CCDC171: variants seen among roughly 807,000 people sequenced by gnomAD.
CCDC171 encodes coiled-coil domain-containing protein 171.
In CCDC171, 177 loss-of-function variants were observed where a neutral mutation model predicts 168.2. The observed-to-expected ratio is 1.05, with a 90% confidence interval of 0.93 to 1.19. The LOEUF is 1.19. Ranked by LOEUF, CCDC171 falls within the 50% of genes most tolerant of loss-of-function variation. CCDC171 has a pLI of 0.00. For missense variants in CCDC171, 1,991 were observed against 1,539.0 expected (o/e 1.29, Z -4.91); for synonymous variants, 687 against 540.8 (o/e 1.27, Z -3.75).
intron 6 of CCDC171, among the ~76,000 whole-genome samples, chr9:15,602,000 G>C (rs1045406226): frequency 2.6e-5 from 4 of 152,084 alleles, no homozygotes; most frequent in Non-Finnish European, 5.9e-5. Flanking sequence ...TTTAAAATTA[G>C]GCATCTGTCT....
At chr9:15,863,598 C>G (rs2061651630) in intron 23 of CCDC171, among the ~76,000 whole-genome samples, 1 of 151,526 alleles carries the variant, frequency 6.6e-6, no homozygotes, top group Admixed American at 6.6e-5. Context: ...TTTACATTTT[C>G]TATTTTGGAA....
intron 7 of CCDC171, among the ~76,000 whole-genome samples, chr9:15,649,771 A>G (rs968311809): frequency 1.3e-5 from 2 of 152,220 alleles, no homozygotes; most frequent in African/African-American, 4.8e-5. Flanking sequence ...GAGGATGTGG[A>G]GAAATAGGAG....
At chr9:15,617,850 A>G (rs1464177750) in intron 6 of CCDC171, among the ~76,000 whole-genome samples, 1 of 152,100 alleles carries the variant, frequency 6.6e-6, no homozygotes, top group Non-Finnish European at 1.5e-5. Flanking sequence ...GAGAACAGCA[A>G]AGATTGCTGC....
intron 24 of CCDC171, among the ~76,000 whole-genome samples, chr9:15,877,637 A>G (rs1221762560): frequency 6.6e-6 from 1 of 152,112 alleles, no homozygotes; most frequent in African/African-American, 2.4e-5. Context: ...TTTATCTTCC[A>G]AATAACAGCA....
Position 15,565,086 on chromosome 9 carries a change from C to CTT in CCDC171, c.41+976_41+977dup, listed in dbSNP as rs34584445. On this transcript the variant is annotated intron_variant, in intron 2 of 25. Transcript: ENST00000380701. ...AGCTTTTGAAGCTACCCACCCCCCACTTTTTTTTTTTTTTTTTTTTGAGAC... is the reference window on the plus strand; with the variant it reads ...AGCTTTTGAAGCTACCCACCCCCCACTTTTTTTTTTTTTTTTTTTTTTGAGAC... Among the ~76,000 whole-genome samples, 174 of 119,856 alleles carry CTT rather than the reference C, an allele frequency of 1.5e-3. 1 individual carries two copies. The highest frequency in any genetic ancestry group is 4.3e-3 in the Middle Eastern group (1 of 234). The allele number at this position is 119,856 out of a possible 152,430, so 78.6% of individuals were successfully genotyped here.
chr9:16,006,993 T>G (rs1832718829), intron 3 of CCDC171, among the ~76,000 whole-genome samples: 1 of 152,224 alleles, frequency 6.6e-6, no homozygotes, highest in African/African-American at 2.4e-5. Flanking sequence ...TCTAGATCCC[T>G]GAGGAATCGC....
chr9:16,085,595 T>G, the CCDC171 span, among the ~76,000 whole-genome samples: 2 of 152,216 alleles, frequency 1.3e-5, no homozygotes, highest in Non-Finnish European at 2.9e-5. Flanking sequence ...AGTGGCTGAC[T>G]CTAACTCACA....
intron 24 of CCDC171, chr9:15,888,939 T>TTTTTC (rs1348942325): frequency 7.0e-6 from 1 of 142,922 alleles, no homozygotes; most frequent in African/African-American, 2.6e-5. Flanking sequence ...ATATGCCTCA[T>TTTTTC]TTTTCTTTTC....
At chr9:15,913,126 T>G (rs1012623958) in intron 24 of CCDC171, among the ~76,000 whole-genome samples, 1 of 152,260 alleles carries the variant, frequency 6.6e-6, no homozygotes. Context: ...CAGCTCCTTT[T>G]TGTACTTCTG....
At chr9:15,678,939 G>C (rs777019126) in intron 10 of CCDC171, 43 bp downstream of exon 10, 1 of 1,429,490 alleles carries the variant, frequency 7.0e-7, no homozygotes, top group South Asian at 1.3e-5. Flanking sequence ...ACTTTATTAG[G>C]TCATATTGGA....
At chr9:16,065,344 C>T (rs765404838), downstream of CCDC171, among the ~76,000 whole-genome samples, 10 of 151,990 alleles carry the variant, frequency 6.6e-5, no homozygotes, top group African/African-American at 2.2e-4. Context: ...ACTTCTGGGA[C>T]GTTCTGGGAA....
chr9:15,778,643 CAAAAAAAAAA>C (rs527592822), intron 19 of CCDC171, among the ~76,000 whole-genome samples: 4 of 58,794 alleles, frequency 6.8e-5, no homozygotes, highest in Non-Finnish European at 1.2e-4. Flanking sequence ...AAGACTGTCT[CAAAAAAAAAA>C]AAAAAAAAAA....
intron 24 of CCDC171, among the ~76,000 whole-genome samples, chr9:15,896,039 T>A (rs773351890): frequency 6.6e-6 from 1 of 152,068 alleles, no homozygotes; most frequent in Non-Finnish European, 1.5e-5. Context: ...GATGACCTCT[T>A]TTCCATATTT....
At chr9:15,964,652 C>G (rs1044280953) in intron 25 of CCDC171, among the ~76,000 whole-genome samples, 1 of 152,172 alleles carries the variant, frequency 6.6e-6, no homozygotes, top group Non-Finnish European at 1.5e-5. Flanking sequence ...TCAACCACAT[C>G]AGGAAATCTA....
intron 6 of CCDC171, among the ~76,000 whole-genome samples, chr9:16,032,953 C>T (rs1833390105): frequency 6.6e-6 from 1 of 152,150 alleles, no homozygotes; most frequent in Non-Finnish European, 1.5e-5. Flanking sequence ...TAAGCTCCTC[C>T]CCAAGATCCA....
rs1564274627 is a variant in CCDC171, at chr9:15,716,860, T to C, written c.1319-4909T>C. The stretch of plus-strand genomic sequence containing the variant: ...AAAGATTCCACTTCTCAACACTGCA[T>C]TGGGGATTAAGTTTCCAACACGTGA... On this transcript the variant is annotated intron_variant, in intron 11 of 25. Transcript: ENST00000380701. 2.0e-5 allele frequency among the ~76,000 whole-genome samples: 3 copies of C among 152,032 alleles called. No individual in the cohort carries two copies. In the South Asian group the frequency reaches 6.2e-4, roughly 32 times the overall value.
At chr9:15,944,127 G>GT (rs373714188) in intron 25 of CCDC171, among the ~76,000 whole-genome samples, 59 of 152,020 alleles carry the variant, frequency 3.9e-4, no homozygotes, top group African/African-American at 1.3e-3. Flanking sequence ...ACCCTTACAG[G>GT]TTTTTTTGTG....
chr9:15,822,432 C>T (rs1263815992), intron 21 of CCDC171, among the ~76,000 whole-genome samples: 2 of 151,818 alleles, frequency 1.3e-5, no homozygotes, highest in African/African-American at 4.8e-5. Context: ...GCAACCTACT[C>T]ATCTGACAAA....
intron 3 of CCDC171, among the ~76,000 whole-genome samples, chr9:15,998,625 G>C (rs768190440): frequency 1.3e-5 from 2 of 152,194 alleles, no homozygotes; most frequent in African/African-American, 4.8e-5. Flanking sequence ...TTCTGTTGCT[G>C]ATAGGTTGGA....
Sources: allele counts gnomAD v4.1 joint callset (sites outside exome capture counted in the v4.1 genomes callset), GRCh38; gene constraint gnomAD v4.1.1; transcripts MANE v1.5; gene names NCBI Gene and HGNC (gene_info 2026-07-23, HGNC 2026-07-21).